SOX6: variants seen among roughly 807,000 people sequenced by gnomAD.
SOX6 encodes SRY-box transcription factor 6.
SOX6 carries 11 observed loss-of-function variants against 97.8 expected under a neutral mutation model. The observed-to-expected ratio is 0.11, with a 90% CI of 0.07 to 0.19. SOX6 has a LOEUF of 0.19. Ranked by LOEUF, SOX6 falls within the 10% of genes least tolerant of loss-of-function variation. The probability of loss-of-function intolerance (pLI) is 1.00; values close to 1 mark genes in which losing one functional copy is unlikely to be tolerated. For missense variants in SOX6, 810 were observed against 1,039.5 expected (o/e 0.78, Z 3.04); for synonymous variants, 360 against 371.4 (o/e 0.97, Z 0.35).
chr11:16,587,732 C>T (rs960021142), intron 4 of SOX6, among the ~76,000 whole-genome samples: 3 of 152,166 alleles, frequency 2.0e-5, no homozygotes, highest in South Asian at 2.1e-4. Context: ...TTCCTTTATT[C>T]TCCTTCTCTT....
At chr11:16,394,708 T>C (rs1858293779) in intron 1 of SOX6, among the ~76,000 whole-genome samples, 1 of 151,882 alleles carries the variant, frequency 6.6e-6, no homozygotes, top group South Asian at 2.1e-4. Context: ...TGTGGTCTCA[T>C]GGCTTTTCTT....
chr11:16,639,396 G>A lies in SOX6; in HGVS notation n.430-27136C>T, dbSNP rs1027677371. Among the ~76,000 whole-genome samples, 12 of 152,236 alleles carry A rather than the reference G, an allele frequency of 7.9e-5. No homozygotes were observed. The East Asian group carries it at 1.7e-3, about 22-fold the overall frequency. On this transcript the variant is annotated intron_variant and non_coding_transcript_variant, in intron 3 of 5. Transcript: ENST00000524520. ...TGGCTTAGGATTGACTTGGCAATGC[G>A]GGATCTTTTTTGGTTCCTTACGAAC...
chr11:16,367,704 A>G (rs1857392362), intron 1 of SOX6, among the ~76,000 whole-genome samples: 1 of 152,204 alleles, frequency 6.6e-6, no homozygotes, highest in African/African-American at 2.4e-5. Context: ...AAATTCTAGG[A>G]GCTTATCACC....
intron 4 of SOX6, among the ~76,000 whole-genome samples, chr11:16,214,802 T>A (rs568266407): frequency 1.2e-3 from 175 of 144,388 alleles, no homozygotes; most frequent in African/African-American, 4.5e-3. Flanking sequence ...CAAGCTGGAG[T>A]GAAGTGGCAC....
At chr11:16,632,636 A>G (rs1443063345) in intron 3 of SOX6, among the ~76,000 whole-genome samples, 1 of 152,206 alleles carries the variant, frequency 6.6e-6, no homozygotes, top group Non-Finnish European at 1.5e-5. Flanking sequence ...CACAAGCACC[A>G]GCACTGAGGG....
Position 16,049,807 on chromosome 11 carries a change from T to C in SOX6, c.1383A>G (p.Lys461=). ...SKTSPVNLPN[K]SSIPSPIGGS... Reference sequence around the variant, plus strand: ...CTCCAATGGGGCTAGGGATGCTGCTTTTGTTTGGCAGATTGACAGGGCTGG... The same window carrying C: ...CTCCAATGGGGCTAGGGATGCTGCTCTTGTTTGGCAGATTGACAGGGCTGG... Residue 461 remains lysine, a synonymous_variant, in exon 11 of 16, where the codon AAA becomes AAG. Transcript: ENST00000683767. 6.2e-7 allele frequency: 1 copy of C among 1,613,742 alleles called. No homozygotes were observed.
intron 13 of SOX6, among the ~76,000 whole-genome samples, chr11:16,001,889 A>C (rs1854417270): frequency 6.6e-6 from 1 of 152,182 alleles, no homozygotes; most frequent in Non-Finnish European, 1.5e-5. Context: ...GATCAACAAG[A>C]GGAACCAAAG....
At chr11:15,994,196 C>A (rs1259037327) in intron 13 of SOX6, among the ~76,000 whole-genome samples, 1 of 151,878 alleles carries the variant, frequency 6.6e-6, no homozygotes, top group African/African-American at 2.4e-5. Flanking sequence ...ACTATTAGAG[C>A]AGGGAAAATA....
At chr11:16,669,837 A>G (rs1276156132) in intron 3 of SOX6, among the ~76,000 whole-genome samples, 1 of 152,032 alleles carries the variant, frequency 6.6e-6, no homozygotes, top group Non-Finnish European at 1.5e-5. Context: ...CCCTGCCCCC[A>G]CCTGATCACC....
At chr11:16,177,651 TTC>T (rs1554940451) in intron 6 of SOX6, among the ~76,000 whole-genome samples, 29 of 70,096 alleles carry the variant, frequency 4.1e-4, no homozygotes, top group Non-Finnish European at 3.4e-4. Context: ...CTCTCTCTCA[TTC>T]TCTCTCTCTC....
chr11:16,482,472 C>T (rs1205367140), intron 4 of SOX6, among the ~76,000 whole-genome samples: 5 of 152,108 alleles, frequency 3.3e-5, no homozygotes, highest in East Asian at 1.9e-4. Context: ...TACTGGGAAG[C>T]GATCATGATT....
chr11:16,059,194 C>T (rs781684057), intron 9 of SOX6, among the ~76,000 whole-genome samples: 2 of 151,942 alleles, frequency 1.3e-5, no homozygotes, highest in Non-Finnish European at 2.9e-5. Context: ...AATCCTTAAC[C>T]ATCAATTTAC....
In SOX6 at chr11:15,971,637, C is replaced by T. The variant is rs1421993406; in HGVS notation, c.*1172G>A. On this transcript the variant is annotated 3_prime_UTR_variant, in exon 16 of 16. Transcript: ENST00000683767. Reference sequence around the variant, plus strand: ...CAATACACAGCCCTGCAGCCAGATACATACTCATGATTAAAAACAATAATA... The same window carrying T: ...CAATACACAGCCCTGCAGCCAGATATATACTCATGATTAAAAACAATAATA... 6.6e-6 allele frequency: 1 copy of T among 152,522 alleles called. No homozygotes were observed. Among genetic ancestry groups the T allele is most frequent in the East Asian group, 1.9e-4 (1 of 5,180 alleles). The allele number at this position is 152,522 out of a possible 1,614,324, so 9.4% of individuals were successfully genotyped here. A position where few individuals can be genotyped will look rare whatever the true frequency, so the allele number is the denominator to read the frequency against.
intron 12 of SOX6, among the ~76,000 whole-genome samples, chr11:16,022,319 C>CTTCCTTCT (rs1855084172): frequency 2.1e-5 from 3 of 146,314 alleles, no homozygotes; most frequent in Admixed American, 7.0e-5. Context: ...TCCTTCCTTC[C>CTTCCTTCT]TTCCTTCCTT....
chr11:16,143,930 T>G (rs997793541), intron 6 of SOX6, among the ~76,000 whole-genome samples: 1 of 152,140 alleles, frequency 6.6e-6, no homozygotes, highest in Non-Finnish European at 1.5e-5. Context: ...ACTGTCAACA[T>G]TAGACAGACC....
chr11:16,005,107 G>A (rs989456182), intron 13 of SOX6, among the ~76,000 whole-genome samples: 1 of 151,922 alleles, frequency 6.6e-6, no homozygotes, highest in African/African-American at 2.4e-5. Context: ...TAACTCATAT[G>A]TGTTCCCTTT....
chr11:16,400,099 G>A (rs548457307), intron 1 of SOX6, among the ~76,000 whole-genome samples: 2 of 151,340 alleles, frequency 1.3e-5, no homozygotes, highest in African/African-American at 4.8e-5. Context: ...ATGTTTAATG[G>A]TCTAGGCATT....
intron 1 of SOX6, among the ~76,000 whole-genome samples, chr11:16,474,325 T>A (rs1487130534): frequency 6.6e-6 from 1 of 152,222 alleles, no homozygotes; most frequent in African/African-American, 2.4e-5. Context: ...TCTAGAATGG[T>A]GACTCCTTCC....
At chr11:16,527,214 C>T in intron 4 of SOX6, among the ~76,000 whole-genome samples, 1 of 151,988 alleles carries the variant, frequency 6.6e-6, no homozygotes, top group East Asian at 1.9e-4. Context: ...AGAAAAGGGT[C>T]ACTGCCACAG....
Sources: allele counts gnomAD v4.1 joint callset (sites outside exome capture counted in the v4.1 genomes callset), GRCh38; gene constraint gnomAD v4.1.1; transcripts MANE v1.5; gene names NCBI Gene and HGNC (gene_info 2026-07-23, HGNC 2026-07-21).